The following RBPJ variants were observed in gnomAD, a reference collection of about 807,000 sequenced individuals.
RBPJ encodes the protein recombining binding protein suppressor of hairless.
RBPJ carries 9 observed loss-of-function variants against 67.8 expected under a neutral mutation model. The observed-to-expected ratio is 0.13, with a 90% CI of 0.08 to 0.23. The LOEUF is 0.23. RBPJ is among the 10% of genes least tolerant of loss of function. The pLI is 1.00. For missense variants in RBPJ, 305 were observed against 595.6 expected, an observed-to-expected ratio of 0.51 and a Z score of 5.08; for synonymous variants, 198 against 203.3, an observed-to-expected ratio of 0.97 and a Z score of 0.22.
chr4:26,292,494 C>T (rs986604456), intron 1 of RBPJ, among the ~76,000 whole-genome samples: 2 of 150,388 alleles, frequency 1.3e-5, no homozygotes, highest in Admixed American at 6.6e-5. Flanking sequence ...AATCTCGGCT[C>T]ACTGCAACCT....
intron 1 of RBPJ, among the ~76,000 whole-genome samples, chr4:26,301,633 A>T (rs961128913): frequency 6.6e-6 from 1 of 151,698 alleles, no homozygotes; most frequent in Non-Finnish European, 1.5e-5. Context: ...TTTTACATGC[A>T]TGCAGTAAAT....
chr4:26,398,986 G>A (rs1732473116), intron 2 of RBPJ, among the ~76,000 whole-genome samples: 1 of 152,004 alleles, frequency 6.6e-6, no homozygotes, highest in Non-Finnish European at 1.5e-5. Context: ...AGGTTTTTTT[G>A]CAGTGCATCT....
intron 3 of RBPJ, among the ~76,000 whole-genome samples, chr4:26,406,624 T>TA (rs2109745963): frequency 6.6e-6 from 1 of 152,362 alleles, no homozygotes; most frequent in South Asian, 2.1e-4. Context: ...GGGTCATCCT[T>TA]ACTGCTGTGT....
At chr4:26,265,920 C>T (rs1720690451) in intron 1 of RBPJ, among the ~76,000 whole-genome samples, 2 of 152,066 alleles carry the variant, frequency 1.3e-5, no homozygotes, top group Admixed American at 1.3e-4. Flanking sequence ...GCCTGTAGTC[C>T]CAGCTACTCA....
intron 1 of RBPJ, among the ~76,000 whole-genome samples, chr4:26,168,366 T>A (rs1382466043): frequency 5.9e-5 from 9 of 152,190 alleles, no homozygotes; most frequent in African/African-American, 1.7e-4. Context: ...TTCTGGGTTG[T>A]AAATTCTTTT....
the RBPJ span, among the ~76,000 whole-genome samples, chr4:26,141,713 T>C: frequency 6.6e-6 from 1 of 152,194 alleles, no homozygotes; most frequent in Non-Finnish European, 1.5e-5. Context: ...TAACTATAGT[T>C]ACCCTACAGA....
chr4:26,196,646 TTCCA>T (rs1717774757), intron 1 of RBPJ, among the ~76,000 whole-genome samples: 1 of 152,216 alleles, frequency 6.6e-6, no homozygotes, highest in African/African-American at 2.4e-5. Context: ...TGACTTCGAA[TTCCA>T]CACTTCTTGA....
At position 26,434,019 on chromosome 4, in the gene RBPJ, C is replaced by T. The variant is rs956903380; in HGVS notation, c.*3012C>T. Reference sequence around the variant, plus strand: ...TACACATAGAAGCTGAGTCTCTGATCCAATATGTTTTTATTTGTTCCATTT... The same window carrying T: ...TACACATAGAAGCTGAGTCTCTGATTCAATATGTTTTTATTTGTTCCATTT... On this transcript the variant is annotated 3_prime_UTR_variant, in exon 11 of 11. Coordinates refer to ENST00000355476, the MANE Select transcript of RBPJ (RefSeq NM_015874.6). 2.0e-5 allele frequency: 3 copies of T among 152,126 alleles called. No individual in the cohort carries two copies. Among genetic ancestry groups the T allele is most frequent in the Admixed American group, 1.3e-4 (2 of 15,280 alleles). The allele number at this position is 152,126 out of a possible 1,614,324, so 9.4% of individuals were successfully genotyped here. A position where few individuals can be genotyped will look rare whatever the true frequency, so the allele number is the denominator to read the frequency against.
intron 1 of RBPJ, among the ~76,000 whole-genome samples, chr4:26,283,974 A>G (rs1373258334): frequency 6.6e-6 from 1 of 152,130 alleles, no homozygotes; most frequent in African/African-American, 2.4e-5. Flanking sequence ...ATGGTTTGGA[A>G]GGTGTCCAAA....
At chr4:26,349,373 A>G (rs989552797) in intron 1 of RBPJ, among the ~76,000 whole-genome samples, 6 of 152,208 alleles carry the variant, frequency 3.9e-5, no homozygotes, top group Admixed American at 6.5e-5. Flanking sequence ...TGCCTGGCCA[A>G]TCTTCACATG....
At chr4:26,349,421 C>T (rs1446768993) in intron 1 of RBPJ, among the ~76,000 whole-genome samples, 1 of 152,098 alleles carries the variant, frequency 6.6e-6, no homozygotes, top group Non-Finnish European at 1.5e-5. Context: ...AATATCACTT[C>T]TTTTTATCTT....
At chr4:26,258,963 C>T in intron 1 of RBPJ, among the ~76,000 whole-genome samples, 1 of 151,982 alleles carries the variant, frequency 6.6e-6, no homozygotes, top group East Asian at 1.9e-4. Context: ...GCCACCATAC[C>T]CGGCTAATTG....
At chr4:26,361,048 A>AGT (rs771047801) in intron 1 of RBPJ, among the ~76,000 whole-genome samples, 10,628 of 147,388 alleles carry the variant, frequency 0.072, 489 homozygotes, top group Non-Finnish European at 0.1. Context: ...TTCAGGAGTG[A>AGT]GTGTGTGTGC....
At chr4:26,259,709 T>A (rs553330750) in intron 1 of RBPJ, among the ~76,000 whole-genome samples, 6 of 152,252 alleles carry the variant, frequency 3.9e-5, no homozygotes, top group Non-Finnish European at 7.3e-5. Flanking sequence ...TTGAGAGGTC[T>A]ATGGTGTTGG....
intron 1 of RBPJ, among the ~76,000 whole-genome samples, chr4:26,216,447 G>A (rs1560215306): frequency 6.6e-6 from 1 of 152,084 alleles, no homozygotes; most frequent in Non-Finnish European, 1.5e-5. Flanking sequence ...GATGCTGGCA[G>A]GTTTGAAAAC....
In RBPJ at chr4:26,400,165, TA is replaced by T. The variant is rs920119027; in HGVS notation, c.60-6001del. Reference sequence around the variant, plus strand: ...AATAAAATTTTTGGTATTTTTTAATTAAAAAAAAACCTGGATGATTGTGATA... The same window carrying T: ...AATAAAATTTTTGGTATTTTTTAATTAAAAAAAACCTGGATGATTGTGATA... On this transcript the variant is annotated intron_variant, in intron 2 of 10. Transcript: ENST00000355476. Among the ~76,000 whole-genome samples, 39 of 151,844 alleles carry T rather than the reference TA, an allele frequency of 2.6e-4. No homozygotes were observed. The East Asian group carries it at 7.3e-3, about 29-fold the overall frequency.
At chr4:26,336,287 C>T (rs947313127) in intron 1 of RBPJ, among the ~76,000 whole-genome samples, 2 of 152,098 alleles carry the variant, frequency 1.3e-5, no homozygotes, top group African/African-American at 2.4e-5. Flanking sequence ...CTGTTTCTTG[C>T]ATTGAGAAAG....
At chr4:26,245,190 C>T (rs1014013863) in intron 1 of RBPJ, among the ~76,000 whole-genome samples, 1 of 149,088 alleles carries the variant, frequency 6.7e-6, no homozygotes, top group Non-Finnish European at 1.5e-5. Context: ...CAGTCCCTGG[C>T]AATCACTATT....
At chr4:26,335,970 G>A (rs1480249371) in intron 1 of RBPJ, among the ~76,000 whole-genome samples, 2 of 152,124 alleles carry the variant, frequency 1.3e-5, no homozygotes, top group Non-Finnish European at 2.9e-5. Flanking sequence ...CTGCATGTGA[G>A]TATTTGGGGG....
Sources: allele counts gnomAD v4.1 joint callset (sites outside exome capture counted in the v4.1 genomes callset), GRCh38; gene constraint gnomAD v4.1.1; transcripts MANE v1.5; gene names NCBI Gene and HGNC (gene_info 2026-07-23, HGNC 2026-07-21).